Variants in PTPRN2 observed in about 807,000 individuals in gnomAD.
PTPRN2 encodes receptor-type tyrosine-protein phosphatase N2.
PTPRN2 carries 74 observed loss-of-function variants against 118.8 expected under a neutral mutation model. The ratio of observed to expected loss-of-function variants is 0.62; its 90% CI spans 0.52 to 0.76. PTPRN2 has a LOEUF of 0.76. PTPRN2 is among the 30% of genes least tolerant of loss of function. The pLI, the probability that PTPRN2 is intolerant of heterozygous loss-of-function variation, is 0.00. For synonymous variants in PTPRN2, 641 were observed against 608.0 expected, an observed-to-expected ratio of 1.05 and a Z score of -0.80; for missense variants, 1,481 against 1,394.4, an observed-to-expected ratio of 1.06 and a Z score of -0.99.
chr7:158,319,282 C>A (rs1802604637), intron 2 of PTPRN2, among the ~76,000 whole-genome samples: 1 of 137,116 alleles, frequency 7.3e-6, no homozygotes, highest in Non-Finnish European at 1.6e-5. Context: ...AGACACCATC[C>A]CCAGTGCATT....
intron 13 of PTPRN2, among the ~76,000 whole-genome samples, chr7:157,662,473 G>C (rs1274040019): frequency 6.6e-6 from 1 of 152,198 alleles, no homozygotes; most frequent in African/African-American, 2.4e-5. Context: ...AGAAGCGATG[G>C]GAATGACAGC....
In PTPRN2 at chr7:157,903,919, T is replaced by C. The variant is rs1302245370; in HGVS notation, c.1724-5182A>G. On this transcript the variant is annotated intron_variant, in intron 11 of 22. Coordinates refer to ENST00000389418, the MANE Select transcript of PTPRN2 (RefSeq NM_002847.5). This position sits in a 1 kb window ranked among gnomAD's most constrained non-coding sequence, Gnocchi z 4.2. The stretch of plus-strand genomic sequence containing the variant: ...CCACGTGGGAGCCTCTGAGCCAGCA[T>C]GGCCCAGGTCTCAGCACACAGCAAG... Among the ~76,000 whole-genome samples, 1 of 152,174 alleles carries C rather than the reference T, an allele frequency of 6.6e-6. No individual in the cohort carries two copies. The highest frequency in any genetic ancestry group is 2.4e-5 in the African/African-American group (1 of 41,444).
Position 158,466,178 on chromosome 7 carries a change from C to A in PTPRN2, c.163+23557G>T, listed in dbSNP as rs114307852. Among the ~76,000 whole-genome samples, 447 of 152,268 alleles carry A rather than the reference C, an allele frequency of 2.9e-3. 4 individuals are homozygous for A. Among genetic ancestry groups the A allele is most frequent in the African/African-American group, 0.01 (422 of 41,558 alleles). ...CTGCCTCCACCCTCTCCTAGAGGCA[C>A]CCTCTGGGCAAATTACCAGTAAACA... is the stretch of plus-strand genomic sequence containing the variant. On this transcript the variant is annotated intron_variant, in intron 2 of 22. Transcript: ENST00000389418.
intron 4 of PTPRN2, among the ~76,000 whole-genome samples, chr7:158,193,558 C>T (rs1284432786): frequency 3.3e-5 from 5 of 152,104 alleles, no homozygotes; most frequent in South Asian, 2.1e-4. Flanking sequence ...CCTGAGCCTG[C>T]GCCCTGTCCC....
intron 12 of PTPRN2, among the ~76,000 whole-genome samples, chr7:157,891,988 AG>A (rs1276363648): frequency 6.6e-6 from 1 of 152,206 alleles, no homozygotes; most frequent in African/African-American, 2.4e-5. Context: ...CTGAGCCTGC[AG>A]GGGCTCTGCT....
chr7:157,885,161 C>T (rs1252160051), intron 12 of PTPRN2, among the ~76,000 whole-genome samples: 1 of 152,154 alleles, frequency 6.6e-6, no homozygotes, highest in Non-Finnish European at 1.5e-5. Flanking sequence ...CCTGAGTTGG[C>T]CTGGATGCTC....
chr7:157,819,170 C>T (rs115319273), intron 12 of PTPRN2, among the ~76,000 whole-genome samples: 1,697 of 152,280 alleles, frequency 0.011, 36 homozygotes, highest in African/African-American at 0.037. Flanking sequence ...CTGGGCAGCC[C>T]CCTTCGGAAG....
At chr7:158,116,107 A>G (rs1364952943) in intron 9 of PTPRN2, among the ~76,000 whole-genome samples, 1 of 152,252 alleles carries the variant, frequency 6.6e-6, no homozygotes, top group Non-Finnish European at 1.5e-5. Context: ...ACATGGACAC[A>G]AGTACTCATT....
intron 2 of PTPRN2, among the ~76,000 whole-genome samples, chr7:158,408,657 T>C (rs1457368273): frequency 1.3e-5 from 2 of 152,196 alleles, no homozygotes; most frequent in Admixed American, 6.5e-5. Flanking sequence ...AATTGCATAA[T>C]ATAAATAAGG....
intron 11 of PTPRN2, among the ~76,000 whole-genome samples, chr7:157,989,539 C>A (rs576668308): frequency 6.6e-6 from 1 of 151,804 alleles, no homozygotes; most frequent in Non-Finnish European, 1.5e-5. Context: ...GTGGCTGGGT[C>A]GGAGGGACGA....
chr7:158,467,854 C>T (rs946583380), intron 2 of PTPRN2, among the ~76,000 whole-genome samples: 1 of 152,114 alleles, frequency 6.6e-6, no homozygotes, highest in Non-Finnish European at 1.5e-5. Flanking sequence ...GACCTGGGAG[C>T]CCCCGGGGAA....
At chr7:157,563,432 C>T (rs1585036477) in intron 21 of PTPRN2, among the ~76,000 whole-genome samples, 2 of 83,156 alleles carry the variant, frequency 2.4e-5, no homozygotes, top group Non-Finnish European at 4.8e-5. Flanking sequence ...ACCACGTGCT[C>T]CCACGTCACC....
At position 158,444,639 on chromosome 7, in the gene PTPRN2, C is replaced by A. The variant is rs116872999; in HGVS notation, c.163+45096G>T. 7.8e-3 allele frequency among the ~76,000 whole-genome samples: 1,189 copies of A among 152,244 alleles called. 4 individuals are homozygous for A. Among genetic ancestry groups the A allele is most frequent in the Non-Finnish European group, 0.012 (809 of 68,018 alleles). On this transcript the variant is annotated intron_variant, in intron 2 of 22. Transcript: ENST00000389418. ...TGAAAAGCAAGTGAAAGCCTCGGACCGTGCAGCTGCTCGCCAGAACGTCTC... is the reference window on the plus strand; with the variant it reads ...TGAAAAGCAAGTGAAAGCCTCGGACAGTGCAGCTGCTCGCCAGAACGTCTC...
At chr7:157,548,665 C>T (rs1397449237) in intron 22 of PTPRN2, among the ~76,000 whole-genome samples, 1 of 152,090 alleles carries the variant, frequency 6.6e-6, no homozygotes, top group Non-Finnish European at 1.5e-5. Flanking sequence ...CAGCGTTCTC[C>T]CCCCACCCCC....
At chr7:157,759,799 T>G (rs991133239) in intron 12 of PTPRN2, among the ~76,000 whole-genome samples, 1 of 152,228 alleles carries the variant, frequency 6.6e-6, no homozygotes, top group East Asian at 1.9e-4. Flanking sequence ...TTGTGTTATA[T>G]CTTTCAAAAT....
intron 21 of PTPRN2, among the ~76,000 whole-genome samples, chr7:157,552,719 T>C (rs572178780): frequency 2.9e-4 from 44 of 151,868 alleles, no homozygotes; most frequent in African/African-American, 9.4e-4. Flanking sequence ...AAGGCAGGAG[T>C]GCTGGGGTTG....
At chr7:158,229,448 G>C (rs1001551525) in intron 3 of PTPRN2, among the ~76,000 whole-genome samples, 1 of 151,992 alleles carries the variant, frequency 6.6e-6, no homozygotes, top group African/African-American at 2.4e-5. Context: ...TGAGTTCTCG[G>C]ACCAAGAATT....
chr7:158,394,379 C>T (rs974986310), intron 2 of PTPRN2, among the ~76,000 whole-genome samples: 2 of 152,156 alleles, frequency 1.3e-5, no homozygotes, highest in African/African-American at 4.8e-5. Flanking sequence ...TTGGAGGCCA[C>T]GGAAGTGTGA....
chr7:157,982,233 A>C (rs1563296080), intron 11 of PTPRN2, among the ~76,000 whole-genome samples: 10 of 139,798 alleles, frequency 7.2e-5, no homozygotes, highest in African/African-American at 2.4e-4. Flanking sequence ...AGGGGAATGC[A>C]GAGTGCGGGG....
Sources: gnomAD v4.1 joint callset for allele counts (sites outside exome capture counted in the v4.1 genomes callset) on GRCh38, gnomAD v4.1.1 for gene constraint, Gnocchi (gnomAD v3.1) non-coding constraint, MANE v1.5 for transcripts, NCBI Gene and HGNC (gene_info 2026-07-23, HGNC 2026-07-21) for gene names.